Variants in NEBL observed in about 807,000 individuals in gnomAD.
NEBL encodes the protein LIM and SH3 protein 2.
In NEBL, 122 loss-of-function variants were observed where a neutral mutation model predicts 140.2. The observed-to-expected ratio is 0.87, with a 90% CI of 0.75 to 1.01. The LOEUF (loss-of-function observed/expected upper bound fraction) is 1.01. Among genes scored for constraint, NEBL ranks in the 50% least tolerant of loss-of-function variants. The pLI, the probability that NEBL is intolerant of heterozygous loss-of-function variation, is 0.00. For synonymous variants in NEBL, 436 were observed against 398.9 expected, an observed-to-expected ratio of 1.09 and a Z score of -1.11; for missense variants, 1,365 against 1,231.3, an observed-to-expected ratio of 1.11 and a Z score of -1.62.
intron 19 of NEBL, among the ~76,000 whole-genome samples, 192 bp from the exon 20 acceptor site, chr10:20,819,708 A>G (rs1452528884): frequency 6.6e-6 from 1 of 151,478 alleles, no homozygotes; most frequent in Non-Finnish European, 1.5e-5. Context: ...TTCCTTGTCA[A>G]GTGGTTTTGT....
In NEBL at chr10:21,192,188, CT is replaced by C. The variant is rs200210984; in HGVS notation, n.349-19712del. 3.8e-3 allele frequency among the ~76,000 whole-genome samples: 568 copies of C among 148,986 alleles called. 3 individuals carry two copies. Among genetic ancestry groups the C allele is most frequent in the African/African-American group, 9.4e-3 (372 of 39,444 alleles). ...TCATTCCCTCTCCTAATTTGATAGACTTTTTTTTTCTTTTTTTTTTTGAGAT... is the reference window on the plus strand; with the variant it reads ...TCATTCCCTCTCCTAATTTGATAGACTTTTTTTTCTTTTTTTTTTTGAGAT... On this transcript the variant is annotated intron_variant and non_coding_transcript_variant, in intron 3 of 8. Coordinates refer to the NEBL transcript ENST00000675702.
intron 2 of NEBL, among the ~76,000 whole-genome samples, chr10:21,077,497 C>G (rs970276578): frequency 1.3e-5 from 2 of 152,006 alleles, no homozygotes; most frequent in African/African-American, 4.8e-5. Flanking sequence ...GTCCCAGCTA[C>G]TCGGGAGGCT....
intron 9 of NEBL, among the ~76,000 whole-genome samples, chr10:20,853,411 T>C (rs1358233249): frequency 2.6e-5 from 4 of 152,120 alleles, no homozygotes; most frequent in Non-Finnish European, 1.5e-5. Context: ...GCAACCTAAG[T>C]GTCCATCAAC....
chr10:20,969,843 C>T (rs1836493870), intron 3 of NEBL, among the ~76,000 whole-genome samples: 1 of 151,860 alleles, frequency 6.6e-6, no homozygotes, highest in Non-Finnish European at 1.5e-5. Flanking sequence ...CCGTGCCTGG[C>T]CCCAAAAAGC....
At chr10:21,161,023 A>G (rs903047120) in intron 2 of NEBL, among the ~76,000 whole-genome samples, 4 of 151,956 alleles carry the variant, frequency 2.6e-5, no homozygotes, top group African/African-American at 9.7e-5. Flanking sequence ...GTTCCATTGC[A>G]TGTCAGTGAC....
chr10:20,869,999 T>G (rs922301551), intron 5 of NEBL, among the ~76,000 whole-genome samples, 158 bp from the exon 6 acceptor site: 7 of 152,122 alleles, frequency 4.6e-5, no homozygotes, highest in African/African-American at 1.7e-4. Context: ...ATAGCTATAT[T>G]AACTCTTTAT....
intron 2 of NEBL, among the ~76,000 whole-genome samples, chr10:21,057,252 C>T (rs1835064086): frequency 6.6e-6 from 1 of 151,850 alleles, no homozygotes; most frequent in Non-Finnish European, 1.5e-5. Context: ...AGAACAGTCT[C>T]CCGGGAAGGG....
chr10:20,813,887 T>C (rs920340160), intron 23 of NEBL, 52 bp downstream of exon 23: 4 of 1,161,024 alleles, frequency 3.4e-6, no homozygotes, highest in African/African-American at 1.5e-5. Context: ...ATCCGTGCAC[T>C]GGATCCGCCC....
At chr10:21,168,718 G>A (rs1589306071) in intron 2 of NEBL, among the ~76,000 whole-genome samples, 1 of 151,938 alleles carries the variant, frequency 6.6e-6, no homozygotes, top group East Asian at 1.9e-4. Flanking sequence ...GAAATGTCAC[G>A]ATGTATGAAA....
intron 4 of NEBL, among the ~76,000 whole-genome samples, chr10:20,925,054 A>G (rs1018287352): frequency 3.9e-5 from 6 of 152,024 alleles, no homozygotes; most frequent in African/African-American, 1.4e-4. Context: ...AAAGTAATGT[A>G]CACAAAAATG....
At chr10:20,860,549 A>G (rs1843579605) in intron 7 of NEBL, among the ~76,000 whole-genome samples, 1 of 139,894 alleles carries the variant, frequency 7.1e-6, no homozygotes, top group South Asian at 2.3e-4. Context: ...GAATATAAAC[A>G]CAAGTTCACT....
Position 21,076,067 on chromosome 10 carries a change from A to G in NEBL, c.165-55866T>C, listed in dbSNP as rs115300837. 4.3e-3 allele frequency among the ~76,000 whole-genome samples: 654 copies of G among 152,292 alleles called. 3 individuals carry two copies. Among genetic ancestry groups the G allele is most frequent in the African/African-American group, 0.015 (617 of 41,558 alleles). ...TTGGTGAGGATGTGGAGAAATTGGA[A>G]CTTTTATGCATTATCAGCGGTAATG... is the stretch of plus-strand genomic sequence containing the variant. On this transcript the variant is annotated intron_variant, in intron 2 of 6. Transcript: ENST00000417816.
At chr10:20,802,783 C>T (rs1337710985) in intron 26 of NEBL, among the ~76,000 whole-genome samples, 1 of 152,164 alleles carries the variant, frequency 6.6e-6, no homozygotes, top group Non-Finnish European at 1.5e-5. Flanking sequence ...ACTCTCATAA[C>T]TGCCCAAGTA....
intron 5 of NEBL, among the ~76,000 whole-genome samples, chr10:20,880,009 T>C (rs1845864966): frequency 6.6e-6 from 1 of 152,340 alleles, no homozygotes; most frequent in African/African-American, 2.4e-5. Flanking sequence ...ATTAGGCATC[T>C]ATTGCTGTCA....
At chr10:20,847,338 G>A (rs1025585103) in intron 11 of NEBL, among the ~76,000 whole-genome samples, 3 of 152,014 alleles carry the variant, frequency 2.0e-5, no homozygotes, top group Non-Finnish European at 4.4e-5. Flanking sequence ...ATAATTAAAG[G>A]GAATATATGT....
chr10:20,877,964 C>G (rs77283698), intron 5 of NEBL, among the ~76,000 whole-genome samples: 1 of 152,074 alleles, frequency 6.6e-6, no homozygotes, highest in East Asian at 1.9e-4. Context: ...TGTGTGTGTC[C>G]GTGTCCTTAA....
chr10:21,207,162 T>TG (rs1841841333), intron 3 of NEBL, among the ~76,000 whole-genome samples: 1 of 151,844 alleles, frequency 6.6e-6, no homozygotes, highest in African/African-American at 2.4e-5. Flanking sequence ...GTAGTAGAGA[T>TG]GGGGTTTCAC....
intron 1 of NEBL, among the ~76,000 whole-genome samples, chr10:21,275,717 C>T (rs1463783839): frequency 3.3e-5 from 5 of 150,654 alleles, no homozygotes; most frequent in Non-Finnish European, 4.4e-5. Context: ...CTTGGCTCAC[C>T]GCAACCTCTG....
chr10:20,886,032 G>A (rs1846487110), intron 4 of NEBL, among the ~76,000 whole-genome samples: 1 of 152,084 alleles, frequency 6.6e-6, no homozygotes, highest in African/African-American at 2.4e-5. Context: ...CAAGAGTAAT[G>A]TATTTTCAGA....
Sources: gnomAD v4.1 joint callset for allele counts (sites outside exome capture counted in the v4.1 genomes callset) on GRCh38, gnomAD v4.1.1 for gene constraint, MANE v1.5 for transcripts, NCBI Gene and HGNC (gene_info 2026-07-23, HGNC 2026-07-21) for gene names.